The following SYT1 variants were observed in gnomAD, a reference collection of about 807,000 sequenced individuals.
SYT1 encodes the protein synaptotagmin 1.
SYT1 carries 8 observed loss-of-function variants against 44.8 expected under a neutral mutation model. The ratio of observed to expected loss-of-function variants is 0.18; its 90% CI spans 0.10 to 0.32. The LOEUF (loss-of-function observed/expected upper bound fraction) is 0.32. Ranked by LOEUF, SYT1 falls within the 10% of genes least tolerant of loss-of-function variation. The pLI is 1.00. For synonymous variants in SYT1, 154 were observed against 188.8 expected, an observed-to-expected ratio of 0.82 and a Z score of 1.51; for missense variants, 286 against 509.3, an observed-to-expected ratio of 0.56 and a Z score of 4.22.
At chr12:79,241,682 G>A (rs1876522326) in intron 4 of SYT1, among the ~76,000 whole-genome samples, 2 of 152,216 alleles carry the variant, frequency 1.3e-5, no homozygotes, top group Non-Finnish European at 2.9e-5. Flanking sequence ...TCTGCATTAA[G>A]AAATTAGAAA....
intron 8 of SYT1, among the ~76,000 whole-genome samples, chr12:79,338,384 C>A (rs1294284582): frequency 6.6e-6 from 1 of 151,372 alleles, no homozygotes; most frequent in Non-Finnish European, 1.5e-5. Flanking sequence ...CTTAGGCAAT[C>A]CCCCGACCTC....
intron 3 of SYT1, among the ~76,000 whole-genome samples, chr12:79,182,752 A>G (rs937477334): frequency 6.6e-6 from 1 of 152,130 alleles, no homozygotes; most frequent in African/African-American, 2.4e-5. Flanking sequence ...TTTCAATCTG[A>G]TAACCTAAAG....
At chr12:79,298,998 C>A (rs1051137952) in intron 7 of SYT1, among the ~76,000 whole-genome samples, 3 of 152,048 alleles carry the variant, frequency 2.0e-5, no homozygotes, top group South Asian at 4.1e-4. Flanking sequence ...GTAAGTTACA[C>A]CCTGACAATA....
intron 9 of SYT1, among the ~76,000 whole-genome samples, chr12:79,386,507 C>G (rs1037614899): frequency 5.3e-5 from 8 of 152,092 alleles, no homozygotes; most frequent in Admixed American, 2.0e-4. Context: ...TCCTAGCCCC[C>G]CAACCCCCAC....
intron 1 of SYT1, among the ~76,000 whole-genome samples, chr12:78,953,737 A>C (rs1013885956): frequency 6.6e-6 from 1 of 152,120 alleles, no homozygotes; most frequent in Admixed American, 6.6e-5. Context: ...AATATTTAGA[A>C]AGAAAGAACT....
At chr12:79,344,435 G>GTACTT (rs1882515641) in intron 8 of SYT1, among the ~76,000 whole-genome samples, 1 of 152,012 alleles carries the variant, frequency 6.6e-6, no homozygotes, top group South Asian at 2.1e-4. Context: ...ACTCTATACT[G>GTACTT]TACTTTACTG....
chr12:79,111,198 TG>T (rs1324028408), intron 3 of SYT1, among the ~76,000 whole-genome samples: 2 of 151,966 alleles, frequency 1.3e-5, no homozygotes, highest in Non-Finnish European at 2.9e-5. Flanking sequence ...AAAGCTGAGG[TG>T]GGGGGCAGTG....
At position 79,388,995 on chromosome 12, in the gene SYT1, A is replaced by C. The variant is rs143134671; in HGVS notation, c.928+35376A>C. Among the ~76,000 whole-genome samples, 793 of 152,334 alleles carry C rather than the reference A, an allele frequency of 5.2e-3. 5 individuals are homozygous for C. The highest frequency in any genetic ancestry group is 0.017 in the African/African-American group (706 of 41,580). On this transcript the variant is annotated intron_variant, in intron 9 of 10. Transcript: ENST00000261205. ...ATGTCATTAAGGATGAGTATCTGCAATGCAAGAAACTTTGTTATCCCATGA... is the reference window on the plus strand; with the variant it reads ...ATGTCATTAAGGATGAGTATCTGCACTGCAAGAAACTTTGTTATCCCATGA...
chr12:79,344,790 A>G (rs1230823604), intron 8 of SYT1, among the ~76,000 whole-genome samples: 1 of 151,780 alleles, frequency 6.6e-6, no homozygotes, highest in African/African-American at 2.4e-5. Context: ...TTGATTTTCT[A>G]TTTTCATCCT....
chr12:78,905,856 T>C (rs879286130), intron 1 of SYT1, among the ~76,000 whole-genome samples: 16 of 152,080 alleles, frequency 1.1e-4, no homozygotes, highest in Non-Finnish European at 2.4e-4. Flanking sequence ...AACTCTAATA[T>C]GGAGAAAAAT....
intron 3 of SYT1, among the ~76,000 whole-genome samples, chr12:79,149,214 C>G (rs1433686906): frequency 6.6e-6 from 1 of 151,866 alleles, no homozygotes; most frequent in African/African-American, 2.4e-5. Context: ...ATTATAGACC[C>G]CTTCTAACCT....
intron 3 of SYT1, among the ~76,000 whole-genome samples, chr12:79,112,607 G>T (rs371270495): frequency 6.6e-6 from 1 of 152,058 alleles, no homozygotes; most frequent in Non-Finnish European, 1.5e-5. Flanking sequence ...AGATAAAAAT[G>T]ATAAAGTAGC....
At chr12:78,947,630 C>T (rs1878735860) in intron 1 of SYT1, among the ~76,000 whole-genome samples, 1 of 151,724 alleles carries the variant, frequency 6.6e-6, no homozygotes, top group Non-Finnish European at 1.5e-5. Flanking sequence ...TCAGTGCCTA[C>T]AGAATACAGA....
intron 3 of SYT1, among the ~76,000 whole-genome samples, chr12:79,069,272 AAACTT>A: frequency 6.6e-6 from 1 of 152,288 alleles, no homozygotes; most frequent in South Asian, 2.1e-4. Flanking sequence ...GCTAAAAACA[AAACTT>A]AAATCCATAA....
intron 4 of SYT1, among the ~76,000 whole-genome samples, chr12:79,265,465 G>A (rs1592912380): frequency 6.6e-6 from 1 of 151,990 alleles, no homozygotes; most frequent in South Asian, 2.1e-4. Flanking sequence ...TTTAAATTAA[G>A]CCTGATAGTA....
At chr12:78,944,217 A>G (rs1878534719) in intron 1 of SYT1, among the ~76,000 whole-genome samples, 1 of 122,560 alleles carries the variant, frequency 8.2e-6, no homozygotes, top group African/African-American at 2.9e-5. Context: ...AAACAGTTAA[A>G]TAATGGTAAA....
chr12:79,399,435 A>G (rs1242214180), intron 9 of SYT1, among the ~76,000 whole-genome samples: 9 of 152,134 alleles, frequency 5.9e-5, no homozygotes, highest in East Asian at 1.9e-4. Flanking sequence ...CTGTAAGTCA[A>G]AGTATTCAAA....
chr12:79,395,230 T>C (rs1285926899), intron 9 of SYT1, among the ~76,000 whole-genome samples: 2 of 152,148 alleles, frequency 1.3e-5, no homozygotes, highest in Non-Finnish European at 2.9e-5. Flanking sequence ...TTTTTGGTTT[T>C]TGTTTTTGAG....
intron 3 of SYT1, among the ~76,000 whole-genome samples, chr12:79,113,167 A>G (rs1879105398): frequency 6.6e-6 from 1 of 152,132 alleles, no homozygotes; most frequent in Non-Finnish European, 1.5e-5. Flanking sequence ...TGTTAACCAA[A>G]ATGTTTTATG....
Sources: gnomAD v4.1 joint callset for allele counts (sites outside exome capture counted in the v4.1 genomes callset) on GRCh38, gnomAD v4.1.1 for gene constraint, MANE v1.5 for transcripts, NCBI Gene and HGNC (gene_info 2026-07-23, HGNC 2026-07-21) for gene names.